The following PDE2A variants were observed in gnomAD, a reference collection of about 807,000 sequenced individuals.
PDE2A encodes the protein phosphodiesterase 2A, also known as cGMP-dependent 3',5'-cyclic phosphodiesterase.
In PDE2A, 53 loss-of-function variants were observed where a neutral mutation model predicts 133.6. The ratio of observed to expected loss-of-function variants is 0.40; its 90% CI spans 0.32 to 0.50. The LOEUF is 0.50. Among genes scored for constraint, PDE2A ranks in the 20% least tolerant of loss-of-function variants. PDE2A has a pLI of 0.73. For missense variants in PDE2A, 796 were observed against 1,232.4 expected, an observed-to-expected ratio of 0.65 and a Z score of 5.30; for synonymous variants, 491 against 490.2, an observed-to-expected ratio of 1.00 and a Z score of -0.02.
rs1214206344 is a variant in PDE2A, at chr11:72,577,575, G to A, written c.2635C>T (p.Pro879Ser). The A allele has an allele frequency of 6.2e-7, 1 of 1,601,354 alleles. No individual in the cohort carries two copies. Among genetic ancestry groups the A allele is most frequent in the Admixed American group, 1.7e-5 (1 of 59,650 alleles). ...CGCTCGTACAGCTCTGCCGCTTTGG[G>A]GAACAGGTCCTGCAACAGCCTGCGG... Reference protein sequence around the residue: ...PIYKLLQDLFPKAAELYERVA... With the variant: ...PIYKLLQDLFSKAAELYERVA... The change falls in exon 31 of 31, where the codon CCC (proline) becomes TCC (serine). Residue 879 changes from proline (P) to serine (S), a missense_variant. By Grantham distance (74) the Pro-to-Ser change is moderately conservative (BLOSUM62 -1). Coordinates refer to ENST00000334456, the MANE Select transcript of PDE2A (RefSeq NM_002599.5).
chr11:72,598,987 C>T (rs1856611926), intron 4 of PDE2A: 11 of 985,256 alleles, frequency 1.1e-5, no homozygotes, highest in Admixed American at 6.1e-5. Context: ...ACGGGAGCCA[C>T]GTTTCCTGAT....
Position 72,584,186 on chromosome 11 carries a change from C to T in PDE2A, c.1650+15G>A, listed in dbSNP as rs761970599. 1 of 1,441,928 alleles carries T rather than the reference C, an allele frequency of 6.9e-7. No individual in the cohort carries two copies. Among genetic ancestry groups the T allele is most frequent in the Admixed American group, 1.7e-5 (1 of 58,792 alleles). 89.3% of individuals were successfully genotyped at this position (1,441,928 alleles called of 1,614,324 possible). A position where few individuals can be genotyped will look rare whatever the true frequency, so the allele number is the denominator to read the frequency against. On this transcript the variant is annotated intron_variant, in intron 19 of 30. Coordinates refer to ENST00000334456, the MANE Select transcript of PDE2A (RefSeq NM_002599.5). ...CCCCTATCACCCCACACCCCACTCC[C>T]AACCCCGCCCTCACATGGGCGATGC...
intron 2 of PDE2A, among the ~76,000 whole-genome samples, chr11:72,615,760 A>C (rs1857439558): frequency 6.6e-6 from 1 of 152,192 alleles, no homozygotes; most frequent in Admixed American, 6.5e-5. Flanking sequence ...CATTCTAGCT[A>C]TCCTTGTCCT....
chr11:72,585,064 ACT>A (rs1452906574), intron 16 of PDE2A, 120 bp from the exon 17 acceptor site: 12 of 960,410 alleles, frequency 1.2e-5, no homozygotes, highest in Middle Eastern at 2.3e-4. Context: ...AAGGTAAGAC[ACT>A]CTGCTCAGGG....
In PDE2A at chr11:72,585,342, C is replaced by A. The variant is rs780121894; in HGVS notation, c.1286+29G>T. 6 of 1,598,734 alleles carry A rather than the reference C, an allele frequency of 3.8e-6. No homozygotes were observed. In the South Asian group the frequency reaches 6.6e-5, roughly 18 times the overall value. On this transcript the variant is annotated intron_variant, in intron 16 of 30. Transcript: ENST00000334456. ...GGGGACTGAAGGCCACAGCCTCTCT[C>A]GCCCTGTCCCCTGGGTAGAGTCACT...
Position 72,608,652 on chromosome 11 carries a change from G to A in PDE2A, c.234+10C>T, listed in dbSNP as rs200424306. 278 of 1,456,880 alleles carry A rather than the reference G, an allele frequency of 1.9e-4. No homozygotes were observed. In the African/African-American group the frequency reaches 3.5e-3, roughly 18 times the overall value. 90.2% of individuals were successfully genotyped at this position (1,456,880 alleles called of 1,614,324 possible). On this transcript the variant is annotated intron_variant, in intron 3 of 30. Coordinates refer to ENST00000334456, the MANE Select transcript of PDE2A (RefSeq NM_002599.5). ...GGGGTGGGAAGCGTGGGGCAAGGGC[G>A]GGCACCTACCACTCGGGGGAGCACA... is the stretch of plus-strand genomic sequence containing the variant.
rs1168944387 is a variant in PDE2A at position 72,596,185 on chromosome 11, A to T, written c.489+408T>A. 2.0e-5 allele frequency among the ~76,000 whole-genome samples: 3 copies of T among 152,114 alleles called. No individual in the cohort carries two copies. The East Asian group carries it at 5.8e-4, about 29-fold the overall frequency. On this transcript the variant is annotated intron_variant, in intron 6 of 30. Coordinates refer to ENST00000334456, the MANE Select transcript of PDE2A (RefSeq NM_002599.5). ...TCTCTCTTCACACCTCACTTGGTTC[A>T]TGCCCTCCTGGACATTATCCCCACC...
intron 13 of PDE2A, among the ~76,000 whole-genome samples, chr11:72,587,414 C>T (rs2135295618): frequency 6.6e-6 from 1 of 152,316 alleles, no homozygotes; most frequent in South Asian, 2.1e-4. Context: ...TGCAGTCATT[C>T]AACACTCACT....
At chr11:72,606,597 G>A (rs928879937) in intron 3 of PDE2A, among the ~76,000 whole-genome samples, 1 of 152,326 alleles carries the variant, frequency 6.6e-6, no homozygotes, top group South Asian at 2.1e-4. Flanking sequence ...TTGTTTGGCT[G>A]GAAGGAAACC....
chr11:72,612,554 T>A (rs1857259558), intron 2 of PDE2A, among the ~76,000 whole-genome samples: 1 of 152,160 alleles, frequency 6.6e-6, no homozygotes. Flanking sequence ...AGTTTTGTCA[T>A]TACTAAAAAA....
chr11:72,579,153 G>GT, intron 27 of PDE2A, 131 bp downstream of exon 27: 1 of 945,916 alleles, frequency 1.1e-6, no homozygotes, highest in Non-Finnish European at 1.7e-6. Context: ...GGTCTGCCTG[G>GT]GGGGGGCCGT....
In PDE2A at chr11:72,605,201, T is replaced by C; in HGVS notation, c.260A>G (p.Asp87Gly). ...RVETVYTYLL[D>G]GESQLVCEDP... is the part of the protein sequence containing the mutation. ...CTCACACACCAGCTGGGACTCACCA[T>C]CCAGTAGGTAGGTGTAGACAGTTTC... The change falls in exon 4 of 31, where the codon GAT becomes GGT. Residue 87 changes from aspartate to glycine, a missense_variant. Coordinates refer to ENST00000334456, the MANE Select transcript of PDE2A (RefSeq NM_002599.5). 6.2e-7 allele frequency: 1 copy of C among 1,610,586 alleles called. No homozygotes were observed. Among genetic ancestry groups the C allele is most frequent in the Non-Finnish European group, 8.5e-7 (1 of 1,177,976 alleles).
chr11:72,619,700 A>T (rs1857656230), intron 2 of PDE2A, among the ~76,000 whole-genome samples: 2 of 152,076 alleles, frequency 1.3e-5, no homozygotes, highest in Non-Finnish European at 2.9e-5. Context: ...TCTCCAAATG[A>T]GTGAGTGAAC....
At chr11:72,652,516 C>T (rs774314121) in intron 1 of PDE2A, 17 of 455,882 alleles carry the variant, frequency 3.7e-5, no homozygotes, top group South Asian at 2.5e-4. Flanking sequence ...CCTTTGCTTA[C>T]ACCATTCCAC....
At chr11:72,589,046 T>G (rs1269354005) in intron 12 of PDE2A, 129 bp downstream of exon 12, 29 of 1,235,904 alleles carry the variant, frequency 2.3e-5, no homozygotes, top group Non-Finnish European at 3.4e-5. Context: ...GTCATGGAGA[T>G]GGGACAGTAG....
intron 1 of PDE2A, among the ~76,000 whole-genome samples, chr11:72,650,915 AC>A (rs1186484816): frequency 2.0e-5 from 3 of 151,048 alleles, no homozygotes; most frequent in Non-Finnish European, 4.4e-5. Flanking sequence ...ACACACACAC[AC>A]ACACACACAC....
rs1280398490 is a variant in PDE2A at position 72,576,800 on chromosome 11, G to GC, written c.*583dup. 1 of 169,560 alleles carries GC rather than the reference G, an allele frequency of 5.9e-6. No homozygotes were observed. Among genetic ancestry groups the GC allele is most frequent in the African/African-American group, 2.4e-5 (1 of 41,536 alleles). The allele number at this position is 169,560 out of a possible 1,614,324, so 10.5% of individuals were successfully genotyped here. A position where few individuals can be genotyped will look rare whatever the true frequency, so the allele number is the denominator to read the frequency against. On this transcript the variant is annotated 3_prime_UTR_variant, in exon 31 of 31. Coordinates refer to ENST00000334456, the MANE Select transcript of PDE2A (RefSeq NM_002599.5). ...GCCCCTCTCTGCAGAGCACTGAGCT[G>GC]CCCCTCTGGCAGCTTCTTCCTGGGG... is the stretch of plus-strand genomic sequence containing the variant.
rs528768918 is a variant in PDE2A, at chr11:72,615,043, C to T, written c.145-6292G>A. The T allele has an allele frequency of 2.0e-4, 96 of 481,218 alleles. 2 individuals carry two copies. The highest frequency in any genetic ancestry group is 1.4e-3 in the South Asian group (91 of 66,550). The allele number at this position is 481,218 out of a possible 1,614,324, so 29.8% of individuals were successfully genotyped here. A position where few individuals can be genotyped will look rare whatever the true frequency, so the allele number is the denominator to read the frequency against. On this transcript the variant is annotated intron_variant, in intron 2 of 30. Coordinates refer to ENST00000334456, the MANE Select transcript of PDE2A (RefSeq NM_002599.5). ...TCCCTCCACCCTCCTGCCCACCCTT[C>T]GCAGACTCCGGCTTCAGTTGTTACT...
chr11:72,615,716 T>C (rs534234608), intron 2 of PDE2A, among the ~76,000 whole-genome samples: 2 of 151,386 alleles, frequency 1.3e-5, no homozygotes, highest in Admixed American at 6.6e-5. Context: ...AGCATCCCCC[T>C]CTCCATGCCA....
Sources: allele counts gnomAD v4.1 joint callset (sites outside exome capture counted in the v4.1 genomes callset), GRCh38; gene constraint gnomAD v4.1.1; transcripts MANE v1.5; gene names NCBI Gene and HGNC (gene_info 2026-07-23, HGNC 2026-07-21).